The following GEMIN5 variants were observed in gnomAD, a reference collection of about 807,000 sequenced individuals.
GEMIN5 encodes the protein gem-associated protein 5.
Under a neutral mutation model 176.9 loss-of-function variants are expected in GEMIN5, and 124 were observed. That is an observed-to-expected ratio of 0.70 (90% CI 0.61 to 0.81). The LOEUF is 0.81. GEMIN5 is among the 40% of genes least tolerant of loss of function. The pLI is 0.00. For missense variants in GEMIN5, 1,843 were observed against 1,814.6 expected (o/e 1.02, Z -0.28); for synonymous variants, 673 against 665.2 (o/e 1.01, Z -0.18).
chr5:154,932,410 C>T (rs74403237), intron 3 of GEMIN5, among the ~76,000 whole-genome samples, 160 bp from the exon 4 acceptor site: 2 of 152,086 alleles, frequency 1.3e-5, no homozygotes, highest in African/African-American at 4.8e-5. Flanking sequence ...TTGCTTTTTC[C>T]TTTTTTTAAA....
rs184407477 is a variant in GEMIN5, at chr5:154,893,600, C to T, written c.3598-1051G>A. Among the ~76,000 whole-genome samples the T allele has an allele frequency of 7.7e-4, 118 of 152,340 alleles. 1 individual carries two copies. Among genetic ancestry groups the T allele is most frequent in the African/African-American group, 2.6e-3 (110 of 41,590 alleles). On this transcript the variant is annotated intron_variant, in intron 24 of 27. Coordinates refer to ENST00000285873, the MANE Select transcript of GEMIN5 (RefSeq NM_015465.5). ...ATATGCCCTCCGGCTCCTCTGCAGGCGATCTCCTGGCCCCACCCCACTGGC... is the reference window on the plus strand; with the variant it reads ...ATATGCCCTCCGGCTCCTCTGCAGGTGATCTCCTGGCCCCACCCCACTGGC...
At position 154,891,712 on chromosome 5, in the gene GEMIN5, T is replaced by A. The variant is rs981367868; in HGVS notation, c.3791A>T (p.Asp1264Val). The A allele has an allele frequency of 1.2e-6, 2 of 1,603,832 alleles. No homozygotes were observed. Among genetic ancestry groups the A allele is most frequent in the Non-Finnish European group, 1.7e-6 (2 of 1,177,162 alleles). ...GCDHLRDKLGDHQSPATPAFK... is the reference protein window; with the variant it reads ...GCDHLRDKLGVHQSPATPAFK... ...AGCTGGTGTGGCAGGGGATTGATGG[T>A]CCCCCAACTTGTCTCTTAGGTGGTC... is the stretch of plus-strand genomic sequence containing the variant. The change falls in exon 26 of 28, where the codon GAC (aspartate) becomes GTC (valine). Residue 1264 changes from aspartate to valine, a missense_variant. Transcript: ENST00000285873.
chr5:154,905,956 G>A (rs1454258758), intron 16 of GEMIN5, among the ~76,000 whole-genome samples: 3 of 151,670 alleles, frequency 2.0e-5, no homozygotes, highest in Admixed American at 2.0e-4. Flanking sequence ...CTCCCAAACT[G>A]CTGGGATTAC....
chr5:154,907,560 T>A (rs1411058513), intron 16 of GEMIN5, 31 bp downstream of exon 16: 1 of 1,538,394 alleles, frequency 6.5e-7, no homozygotes, highest in Non-Finnish European at 9.0e-7. Context: ...GACCATGAAA[T>A]CCTAGTGATA....
At chr5:154,929,618 C>T (rs769187086) in intron 5 of GEMIN5, among the ~76,000 whole-genome samples, 3 of 152,218 alleles carry the variant, frequency 2.0e-5, no homozygotes, top group Non-Finnish European at 4.4e-5. Flanking sequence ...TGCTGCACAA[C>T]CACAATTGAA....
chr5:154,892,377 A>T lies in GEMIN5; in HGVS notation c.3760+10T>A, dbSNP rs369835111. 6.2e-6 allele frequency: 10 copies of T among 1,609,898 alleles called. No individual in the cohort carries two copies. In the African/African-American group the frequency reaches 9.3e-5, roughly 15 times the overall value. On this transcript the variant is annotated intron_variant, in intron 25 of 27. Transcript: ENST00000285873. ...AAAGGGTGTGCCTCAGGCAGCAGGAAGTCACTTACCGTCAGGGAGAAAGGC... is the reference window on the plus strand; with the variant it reads ...AAAGGGTGTGCCTCAGGCAGCAGGATGTCACTTACCGTCAGGGAGAAAGGC...
intron 8 of GEMIN5, among the ~76,000 whole-genome samples, 166 bp from the exon 9 acceptor site, chr5:154,924,720 T>C (rs1226134365): frequency 6.6e-6 from 1 of 152,232 alleles, no homozygotes; most frequent in Non-Finnish European, 1.5e-5. Context: ...CCGGGCGCAG[T>C]GGCTCACGCC....
intron 24 of GEMIN5, among the ~76,000 whole-genome samples, chr5:154,894,861 C>CATGCCA (rs1763315703): frequency 6.6e-6 from 1 of 151,248 alleles, no homozygotes; most frequent in South Asian, 2.1e-4. Flanking sequence ...GAGCCAAGAT[C>CATGCCA]ATGCCACTGT....
At chr5:154,935,611 T>C (rs1422314797) in intron 3 of GEMIN5, among the ~76,000 whole-genome samples, 1 of 152,086 alleles carries the variant, frequency 6.6e-6, no homozygotes, top group Admixed American at 6.6e-5. Flanking sequence ...TTGGAGGAGT[T>C]AGATCCGAAA....
chr5:154,921,900 A>G (rs1422119354), intron 9 of GEMIN5, among the ~76,000 whole-genome samples: 1 of 152,160 alleles, frequency 6.6e-6, no homozygotes, highest in African/African-American at 2.4e-5. Context: ...AGCATTTTTG[A>G]AGGTTGTTGT....
intron 13 of GEMIN5, among the ~76,000 whole-genome samples, chr5:154,915,092 AATC>A (rs1178121715): frequency 6.6e-6 from 1 of 152,192 alleles, no homozygotes; most frequent in African/African-American, 2.4e-5. Flanking sequence ...TCCCAATAAT[AATC>A]ATAAGGACCA....
At chr5:154,913,339 G>A (rs555638162) in intron 13 of GEMIN5, among the ~76,000 whole-genome samples, 2 of 152,120 alleles carry the variant, frequency 1.3e-5, no homozygotes, top group South Asian at 2.1e-4. Context: ...TTAAGAGTGT[G>A]GACACATCCA....
Position 154,937,955 on chromosome 5 carries a change from G to A in GEMIN5, c.166+13C>T, listed in dbSNP as rs745620832. 1 of 1,565,750 alleles carries A rather than the reference G, an allele frequency of 6.4e-7. No individual in the cohort carries two copies. Among genetic ancestry groups the A allele is most frequent in the South Asian group, 1.2e-5 (1 of 86,660 alleles). ...AAGGGCAGTAAGTCTCGGGCCCAAG[G>A]GTGGTGAGTTACCTCGAAACGGGGG... is the stretch of plus-strand genomic sequence containing the variant. On this transcript the variant is annotated intron_variant, in intron 1 of 27. Transcript: ENST00000285873.
rs1178353420 is a variant in GEMIN5 at position 154,892,439 on chromosome 5, G to C, written c.3708C>G (p.Asp1236Glu). 6.2e-7 allele frequency: 1 copy of C among 1,614,172 alleles called. No individual in the cohort carries two copies. The highest frequency in any genetic ancestry group is 1.1e-5 in the South Asian group (1 of 91,074). ...CCTGCATGATGGTGAAGCTCCCTGA[G>C]TCATAGCTCCGGACCACCGCCCGAA... ...ALLRAVVRSYDSGSFTIMQEV... is the reference protein window; with the variant it reads ...ALLRAVVRSYESGSFTIMQEV... The change falls in exon 25 of 28, where the codon GAC becomes GAG. Residue 1236 changes from aspartate to glutamate, a missense_variant. Physicochemically the swap from Asp to Glu is conservative, Grantham distance 45. Transcript: ENST00000285873.
intron 20 of GEMIN5, 26 bp downstream of exon 20, chr5:154,902,513 A>G: frequency 6.2e-7 from 1 of 1,612,092 alleles, no homozygotes; most frequent in Non-Finnish European, 8.5e-7. Context: ...CTTTTGTTGA[A>G]AAGAACAAAC....
rs368495107 is a variant in GEMIN5 at position 154,937,960 on chromosome 5, T to C, written c.166+8A>G. The C allele has an allele frequency of 2.9e-5, 46 of 1,568,404 alleles. No homozygotes were observed. The Middle Eastern group carries it at 7.7e-4, about 26-fold the overall frequency. ...CAGTAAGTCTCGGGCCCAAGGGTGG[T>C]GAGTTACCTCGAAACGGGGGTGTCC... On this transcript the variant is annotated splice_region_variant and intron_variant, in intron 1 of 27. Coordinates refer to ENST00000285873, the MANE Select transcript of GEMIN5 (RefSeq NM_015465.5).
chr5:154,910,748 G>A (rs1432705487), intron 15 of GEMIN5, among the ~76,000 whole-genome samples: 1 of 152,172 alleles, frequency 6.6e-6, no homozygotes, highest in Non-Finnish European at 1.5e-5. Context: ...ACCCAGGCTG[G>A]AGTACAGTGG....
intron 8 of GEMIN5, among the ~76,000 whole-genome samples, chr5:154,925,656 C>T (rs1764014268): frequency 6.6e-6 from 1 of 152,064 alleles, no homozygotes. Context: ...AGAAAAAATG[C>T]TGAGATGAAC....
At chr5:154,927,310 T>A in intron 7 of GEMIN5, 75 bp downstream of exon 7, 1 of 928,746 alleles carries the variant, frequency 1.1e-6, no homozygotes, top group Non-Finnish European at 1.7e-6. Context: ...GACAGGTGCT[T>A]TGAAAAAGCC....
Sources: allele counts gnomAD v4.1 joint callset (sites outside exome capture counted in the v4.1 genomes callset), GRCh38; gene constraint gnomAD v4.1.1; transcripts MANE v1.5; gene names NCBI Gene and HGNC (gene_info 2026-07-23, HGNC 2026-07-21).